GPATCH2: variants seen among roughly 807,000 people sequenced by gnomAD.
GPATCH2 encodes the protein G patch domain-containing protein 2.
Under a neutral mutation model 58.0 loss-of-function variants are expected in GPATCH2, and 51 were observed. The observed-to-expected ratio is 0.88, with a 90% CI of 0.70 to 1.11. The LOEUF (loss-of-function observed/expected upper bound fraction) is 1.11. Ranked by LOEUF, GPATCH2 falls within the 50% of genes most tolerant of loss-of-function variation. GPATCH2 has a pLI of 0.00. For missense variants in GPATCH2, 625 were observed against 652.2 expected (o/e 0.96, Z 0.45); for synonymous variants, 222 against 218.5 (o/e 1.02, Z -0.14).
intron 8 of GPATCH2, among the ~76,000 whole-genome samples, chr1:217,451,284 CA>C (rs751988346): frequency 1.8e-4 from 28 of 152,298 alleles, no homozygotes; most frequent in Non-Finnish European, 3.7e-4. Flanking sequence ...TATACCCTTT[CA>C]GTCATTGAAT....
chr1:217,490,956 T>A (rs1265233898), intron 8 of GPATCH2, among the ~76,000 whole-genome samples: 1 of 152,194 alleles, frequency 6.6e-6, no homozygotes, highest in East Asian at 1.9e-4. Flanking sequence ...ACTTTGAAGC[T>A]GTATTTTGGT....
At chr1:217,608,283 C>T (rs1204021641) in intron 5 of GPATCH2, 21 of 978,726 alleles carry the variant, frequency 2.1e-5, no homozygotes, top group Non-Finnish European at 2.3e-5. Flanking sequence ...AAAGAAAACC[C>T]GAAGGAGTCC....
At chr1:217,568,941 G>A (rs1666401271) in intron 5 of GPATCH2, among the ~76,000 whole-genome samples, 1 of 152,150 alleles carries the variant, frequency 6.6e-6, no homozygotes, top group Non-Finnish European at 1.5e-5. Flanking sequence ...AGAAGGTGGA[G>A]CTGAAGGTGA....
Position 217,559,239 on chromosome 1 carries a change from A to C in GPATCH2, c.1099-44350T>G, listed in dbSNP as rs192344225. Reference sequence around the variant, plus strand: ...GTACTAGATCTAGAATTCAAACCAGATCAGCTAAGGCCAAAAGATACCTCT... The same window carrying C: ...GTACTAGATCTAGAATTCAAACCAGCTCAGCTAAGGCCAAAAGATACCTCT... On this transcript the variant is annotated intron_variant, in intron 5 of 9. Coordinates refer to ENST00000366935, the MANE Select transcript of GPATCH2 (RefSeq NM_018040.5). 2.6e-4 allele frequency among the ~76,000 whole-genome samples: 40 copies of C among 152,180 alleles called. No individual in the cohort carries two copies. In the East Asian group the frequency reaches 6.6e-3, roughly 25 times the overall value.
chr1:217,484,558 A>T (rs947536862), intron 8 of GPATCH2, among the ~76,000 whole-genome samples: 9 of 121,200 alleles, frequency 7.4e-5, no homozygotes, highest in Admixed American at 2.5e-4. Context: ...ATAATTATTT[A>T]TATATATATA....
intron 6 of GPATCH2, among the ~76,000 whole-genome samples, chr1:217,505,818 A>T (rs961147732): frequency 6.6e-5 from 10 of 152,032 alleles, no homozygotes; most frequent in Non-Finnish European, 8.8e-5. Flanking sequence ...TCAATTAATT[A>T]ATTTATTTTT....
chr1:217,472,117 A>G (rs116349711), intron 8 of GPATCH2, among the ~76,000 whole-genome samples: 3,037 of 152,222 alleles, frequency 0.02, 113 homozygotes, highest in African/African-American at 0.068. Context: ...TATCCGTAAG[A>G]AAAGGCTTTG....
chr1:217,508,134 T>C (rs1025064920), intron 6 of GPATCH2, among the ~76,000 whole-genome samples: 5 of 152,114 alleles, frequency 3.3e-5, no homozygotes, highest in Admixed American at 3.3e-4. Context: ...TTAAGACACG[T>C]AAGCTAAATG....
chr1:217,432,154 C>T (rs1269131148), intron 9 of GPATCH2, among the ~76,000 whole-genome samples: 1 of 151,636 alleles, frequency 6.6e-6, no homozygotes. Context: ...CTTCCCTTCC[C>T]TCCCTCCTTC....
chr1:217,486,411 T>C (rs530345280), intron 8 of GPATCH2, among the ~76,000 whole-genome samples: 1 of 152,348 alleles, frequency 6.6e-6, no homozygotes, highest in South Asian at 2.1e-4. Flanking sequence ...CTTTTTGTTT[T>C]GTTTTTTGAG....
intron 8 of GPATCH2, among the ~76,000 whole-genome samples, chr1:217,484,870 C>G (rs181926845): frequency 1.3e-4 from 19 of 151,826 alleles, no homozygotes; most frequent in African/African-American, 4.6e-4. Context: ...AGAACCCTGC[C>G]TATAAATACA....
intron 5 of GPATCH2, among the ~76,000 whole-genome samples, chr1:217,525,266 A>G (rs186471290): frequency 1.3e-3 from 198 of 152,132 alleles, no homozygotes; most frequent in African/African-American, 4.0e-3. Context: ...GCTGACATAT[A>G]AGATAACCCT....
Position 217,463,641 on chromosome 1 carries a change from C to CAAAAAAA in GPATCH2, c.1278-14311_1278-14305dup, listed in dbSNP as rs201402598. ...GCAACATAGCAAGAACTTATCACTC[C>CAAAAAAA]AAAAAAAAAAAAAAAAAAAAAAAAA... is the stretch of plus-strand genomic sequence containing the variant. On this transcript the variant is annotated intron_variant, in intron 8 of 9. Coordinates refer to ENST00000366935, the MANE Select transcript of GPATCH2 (RefSeq NM_018040.5). 2.1e-3 allele frequency among the ~76,000 whole-genome samples: 177 copies of CAAAAAAA among 82,438 alleles called. 10 individuals are homozygous for CAAAAAAA. The highest frequency in any genetic ancestry group is 2.8e-3 in the South Asian group (7 of 2,466). 54.1% of individuals were successfully genotyped at this position (82,438 alleles called of 152,430 possible).
At chr1:217,560,019 T>C (rs1424696619) in intron 5 of GPATCH2, among the ~76,000 whole-genome samples, 1 of 152,118 alleles carries the variant, frequency 6.6e-6, no homozygotes, top group African/African-American at 2.4e-5. Context: ...TGGCTAATTT[T>C]TGTATTTTTA....
At position 217,431,217 on chromosome 1, in the gene GPATCH2, T is replaced by A. The variant is rs775761828; in HGVS notation, c.1515A>T (p.Gly505=). Residue 505 remains glycine (G), a synonymous_variant, in exon 10 of 10, where the codon GGA becomes GGT. Transcript: ENST00000366935. ...EPIQAMQRPK[G]LGLGFPLPKS... ...TTGGTAGAGGAAATCCAAGTCCTAA[T>A]CCCTTTGGCCTCTGCATGGCTTGAA... 4 of 1,611,658 alleles carry A rather than the reference T, an allele frequency of 2.5e-6. No homozygotes were observed. The Admixed American group carries it at 6.7e-5, about 27-fold the overall frequency.
At position 217,479,459 on chromosome 1, in the gene GPATCH2, C is replaced by A. The variant is rs558920284; in HGVS notation, c.1277+12221G>T. Among the ~76,000 whole-genome samples the A allele has an allele frequency of 1.6e-4, 25 of 152,116 alleles. 1 individual carries two copies. The East Asian group carries it at 4.8e-3, about 29-fold the overall frequency. On this transcript the variant is annotated intron_variant, in intron 8 of 9. Coordinates refer to ENST00000366935, the MANE Select transcript of GPATCH2 (RefSeq NM_018040.5). ...TTGTTATAATCTTAAAATAATGTGT[C>A]ATAAAATAGTGTTTGCAAGCCTCAG...
chr1:217,550,873 T>C (rs562582779), intron 5 of GPATCH2, among the ~76,000 whole-genome samples: 2 of 150,880 alleles, frequency 1.3e-5, no homozygotes, highest in South Asian at 2.1e-4. Context: ...ATTATTTAAA[T>C]ACATGTAGGG....
Position 217,515,731 on chromosome 1 carries a change from T to A in GPATCH2, c.1099-842A>T, listed in dbSNP as rs995448583. Among the ~76,000 whole-genome samples, 17 of 147,312 alleles carry A rather than the reference T, an allele frequency of 1.2e-4. 1 individual carries two copies. The highest frequency in any genetic ancestry group is 3.8e-4 in the African/African-American group (15 of 39,818). ...TCAAAATAATACTAAAAAAAAATTT[T>A]AAAAAAAGGACTCTTTATAATAGTG... On this transcript the variant is annotated intron_variant, in intron 5 of 9. Transcript: ENST00000366935.
chr1:217,567,839 A>G (rs934342173), intron 5 of GPATCH2, among the ~76,000 whole-genome samples: 6 of 152,216 alleles, frequency 3.9e-5, no homozygotes, highest in East Asian at 3.9e-4. Context: ...ATTTATGGCC[A>G]GGCGTGGTGG....
Sources: allele counts gnomAD v4.1 joint callset (sites outside exome capture counted in the v4.1 genomes callset), GRCh38; gene constraint gnomAD v4.1.1; transcripts MANE v1.5; gene names NCBI Gene and HGNC (gene_info 2026-07-23, HGNC 2026-07-21).